C13orf42: variants seen among roughly 807,000 people sequenced by gnomAD.
The protein encoded by C13orf42 is chromosome 13 open reading frame 42.
chr13:51,154,066 C>T lies in C13orf42; in HGVS notation n.136+18187G>A, dbSNP rs564534082. ...CTCTATGAATTTGACAACTCCGGTA[C>T]GTCACACAAGTGAATCATACAGCTT... On this transcript the variant is annotated intron_variant and non_coding_transcript_variant, in intron 1 of 4. Transcript: ENST00000433280. 8.5e-5 allele frequency among the ~76,000 whole-genome samples: 13 copies of T among 152,234 alleles called. No homozygotes were observed. In the South Asian group the frequency reaches 2.1e-3, roughly 24 times the overall value.
chr13:51,169,422 G>GA (rs144099190), intron 1 of C13orf42, among the ~76,000 whole-genome samples: 31,283 of 152,186 alleles, frequency 0.21, 3,414 homozygotes, highest in East Asian at 0.26. Context: ...TGGTAGAAAA[G>GA]AAAAACCCAT....
chr13:51,132,556 T>C (rs1157953816), intron 1 of C13orf42, among the ~76,000 whole-genome samples: 1 of 152,208 alleles, frequency 6.6e-6, no homozygotes, highest in Non-Finnish European at 1.5e-5. Context: ...ATACTTATGC[T>C]TTCTAAGCTC....
intron 1 of C13orf42, among the ~76,000 whole-genome samples, chr13:51,169,138 G>A (rs1031320199): frequency 6.6e-6 from 1 of 152,188 alleles, no homozygotes; most frequent in Non-Finnish European, 1.5e-5. Context: ...TTGGAACTTG[G>A]TTTAACAAGC....
Position 51,172,098 on chromosome 13 carries a change from G to A in C13orf42, n.136+155C>T, listed in dbSNP as rs892542731. The A allele has an allele frequency of 3.5e-4, 54 of 152,158 alleles. No individual in the cohort carries two copies. The East Asian group carries it at 7.2e-3, about 20-fold the overall frequency. 9.4% of individuals were successfully genotyped at this position (152,158 alleles called of 1,614,324 possible). A position where few individuals can be genotyped will look rare whatever the true frequency, so the allele number is the denominator to read the frequency against. On this transcript the variant is annotated intron_variant and non_coding_transcript_variant, in intron 1 of 4. Transcript: ENST00000433280. ...AACTTCCAAACGCCTGAACCGCAGC[G>A]GCCAGGCGTTCCTCCAGAACCTCCT...
chr13:51,140,785 GT>G (rs1240599250), intron 1 of C13orf42, among the ~76,000 whole-genome samples: 1 of 152,080 alleles, frequency 6.6e-6, no homozygotes, highest in East Asian at 1.9e-4. Flanking sequence ...GAAGATGAAG[GT>G]TTTTTCCCAC....
chr13:51,116,288 T>C (rs1953491362), intron 1 of C13orf42, among the ~76,000 whole-genome samples: 1 of 152,070 alleles, frequency 6.6e-6, no homozygotes, highest in Admixed American at 6.5e-5. Context: ...TAAGCCAAGC[T>C]TGGAGATGAG....
chr13:51,148,542 A>G (rs1275294346), intron 1 of C13orf42, among the ~76,000 whole-genome samples: 1 of 152,208 alleles, frequency 6.6e-6, no homozygotes, highest in East Asian at 1.9e-4. Flanking sequence ...CAGAGCCAGG[A>G]GGCTCACGAA....
At chr13:51,106,899 C>G (rs937062590) in intron 1 of C13orf42, among the ~76,000 whole-genome samples, 1 of 152,222 alleles carries the variant, frequency 6.6e-6, no homozygotes, top group East Asian at 1.9e-4. Flanking sequence ...AACACTGACA[C>G]AAAAACCCTC....
chr13:51,121,416 A>G (rs894017452), intron 1 of C13orf42, among the ~76,000 whole-genome samples: 3 of 152,216 alleles, frequency 2.0e-5, no homozygotes, highest in East Asian at 3.8e-4. Context: ...TATTAGTGAC[A>G]GCATCTATTG....
chr13:51,082,322 C>T lies in C13orf42; in HGVS notation c.*1829G>A, dbSNP rs1310044235. ...AGGCTGTGTATAGTCTCATGAAAGA[C>T]AAAAAACATACAAAACAAAGCAAAA... is the stretch of plus-strand genomic sequence containing the variant. On this transcript the variant is annotated 3_prime_UTR_variant, in exon 4 of 4. Transcript: ENST00000563710. 6.6e-6 allele frequency: 1 copy of T among 152,004 alleles called. No individual in the cohort carries two copies. Among genetic ancestry groups the T allele is most frequent in the African/African-American group, 2.4e-5 (1 of 41,392 alleles). The allele number at this position is 152,004 out of a possible 1,614,324, so 9.4% of individuals were successfully genotyped here. A position where few individuals can be genotyped will look rare whatever the true frequency, so the allele number is the denominator to read the frequency against.
In C13orf42 at chr13:51,087,995, C is replaced by T; in HGVS notation, c.495G>A (p.Glu165=). Reference sequence around the variant, plus strand: ...CCCGGGGTCGTCTCTCTGTATCCAGCTCTGCAATGATGGAGTCAAAGAAGG... The same window carrying T: ...CCCGGGGTCGTCTCTCTGTATCCAGTTCTGCAATGATGGAGTCAAAGAAGG... ...AIAFFDSIIA[E]LDTERRPRAA... The change falls in exon 2 of 4, where the codon GAG becomes GAA. Residue 165 remains glutamate (E), a synonymous_variant. Coordinates refer to ENST00000563710, the MANE Select transcript of C13orf42 (RefSeq NM_001351589.3). 2.5e-6 allele frequency: 1 copy of T among 398,882 alleles called. No homozygotes were observed. The highest frequency in any genetic ancestry group is 4.4e-6 in the Non-Finnish European group (1 of 226,162). 24.7% of individuals were successfully genotyped at this position (398,882 alleles called of 1,614,324 possible).
At chr13:51,151,704 A>G (rs1593553685) in intron 1 of C13orf42, among the ~76,000 whole-genome samples, 1 of 152,186 alleles carries the variant, frequency 6.6e-6, no homozygotes, top group African/African-American at 2.4e-5. Context: ...TGCACTAAAC[A>G]TGCATGTACC....
intron 1 of C13orf42, among the ~76,000 whole-genome samples, chr13:51,169,330 A>AGAT (rs1593561281): frequency 6.6e-6 from 1 of 152,232 alleles, no homozygotes; most frequent in East Asian, 1.9e-4. Flanking sequence ...AGCCAAAGTC[A>AGAT]CTTTTGTTAT....
chr13:51,145,808 A>C (rs546556392), intron 1 of C13orf42, among the ~76,000 whole-genome samples: 1 of 152,116 alleles, frequency 6.6e-6, no homozygotes, highest in East Asian at 1.9e-4. Context: ...AAGTTATCCC[A>C]CCTTTCCAGA....
chr13:51,145,751 T>C (rs73194149), intron 1 of C13orf42, among the ~76,000 whole-genome samples: 4,433 of 152,224 alleles, frequency 0.029, 80 homozygotes, highest in Non-Finnish European at 0.042. Context: ...CACCCATCTG[T>C]GACCTGGAAG....
At chr13:51,169,431 A>G (rs1953928092) in intron 1 of C13orf42, among the ~76,000 whole-genome samples, 1 of 152,152 alleles carries the variant, frequency 6.6e-6, no homozygotes, top group East Asian at 1.9e-4. Context: ...AGAAAAACCC[A>G]TTTTCTGTGG....
intron 1 of C13orf42, among the ~76,000 whole-genome samples, chr13:51,133,232 C>G (rs1242581399): frequency 1.3e-5 from 2 of 152,154 alleles, no homozygotes; most frequent in African/African-American, 4.8e-5. Context: ...CTCTTGAGAT[C>G]TGGATTGGTA....
At chr13:51,135,875 T>A (rs913902654) in intron 1 of C13orf42, among the ~76,000 whole-genome samples, 1 of 152,144 alleles carries the variant, frequency 6.6e-6, no homozygotes, top group African/African-American at 2.4e-5. Context: ...AGTCAGGATC[T>A]AACCAAAAAA....
chr13:51,161,053 T>C (rs1953860654), intron 1 of C13orf42, among the ~76,000 whole-genome samples: 1 of 139,176 alleles, frequency 7.2e-6, no homozygotes, highest in African/African-American at 2.5e-5. Context: ...AATAAGAGAG[T>C]TCCACACTGC....
Sources: gnomAD v4.1 joint callset for allele counts (sites outside exome capture counted in the v4.1 genomes callset) on GRCh38, gnomAD v4.1.1 for gene constraint, MANE v1.5 for transcripts, NCBI Gene and HGNC (gene_info 2026-07-23, HGNC 2026-07-21) for gene names.